The following VSIR variants were observed in gnomAD, a reference collection of about 807,000 sequenced individuals.
VSIR encodes the protein V-set immunoregulatory receptor.
A neutral mutation model predicts 31.0 loss-of-function variants in VSIR; 10 were observed. The observed-to-expected ratio is 0.32, with a 90% CI of 0.20 to 0.55. The LOEUF (loss-of-function observed/expected upper bound fraction) is 0.55. Ranked by LOEUF, VSIR falls within the 20% of genes least tolerant of loss-of-function variation. The probability of loss-of-function intolerance (pLI) is 0.93; values close to 1 mark genes in which losing one functional copy is unlikely to be tolerated. For synonymous variants in VSIR, 179 were observed against 180.1 expected (o/e 0.99, Z 0.05); for missense variants, 356 against 416.2 (o/e 0.86, Z 1.26).
At position 71,760,874 on chromosome 10, in the gene VSIR, T is replaced by C; in HGVS notation, c.562A>G (p.Ser188Gly). 6.2e-7 allele frequency: 1 copy of C among 1,613,468 alleles called. No individual in the cohort carries two copies. Among genetic ancestry groups the C allele is most frequent in the Non-Finnish European group, 8.5e-7 (1 of 1,179,506 alleles). ...CVVYPSSSQD[S>G]ENITAAALAT... ...CAAGAGGTTGGTCCCTTACTTTCAC[T>C]ATCCTGGGAGGAGGATGGGTACACC... is the stretch of plus-strand genomic sequence containing the variant. The change falls in exon 3 of 7, where the codon AGT (serine) becomes GGT (glycine). Residue 188 changes from serine (S) to glycine (G), a missense_variant. Physicochemically the swap from Ser to Gly is moderately conservative, Grantham distance 56. This residue lies in a region of VSIR where 190 missense variants were observed against 185.2 expected (regional missense o/e 1.03). Transcript: ENST00000394957.
At chr10:71,758,478 C>T (rs139059229) in intron 3 of VSIR, among the ~76,000 whole-genome samples, 4 of 152,334 alleles carry the variant, frequency 2.6e-5, no homozygotes, top group East Asian at 3.9e-4. Context: ...AACCTCTCAG[C>T]GCCAGGCACC....
rs1033306282 is a variant in VSIR, at chr10:71,748,935, C to A, written c.*2318G>T. ...AGTAAATTTCGCTGAAAACAGGAAA[C>A]CACGAAGCCCAGATGCGTTCAGTTG... On this transcript the variant is annotated 3_prime_UTR_variant, in exon 7 of 7. Coordinates refer to ENST00000394957, the MANE Select transcript of VSIR (RefSeq NM_022153.2). The A allele has an allele frequency of 6.5e-6, 1 of 152,928 alleles. No homozygotes were observed. The highest frequency in any genetic ancestry group is 2.4e-5 in the African/African-American group (1 of 41,474). The allele number at this position is 152,928 out of a possible 1,614,324, so 9.5% of individuals were successfully genotyped here. A position where few individuals can be genotyped will look rare whatever the true frequency, so the allele number is the denominator to read the frequency against.
At chr10:71,755,105 G>A in intron 4 of VSIR, 1 of 634,472 alleles carries the variant, frequency 1.6e-6, no homozygotes, top group South Asian at 1.5e-5. Context: ...TCATTCAGAA[G>A]ACATGTATTG....
chr10:71,751,690 T>C lies in VSIR; in HGVS notation c.876A>G (p.Gly292=), dbSNP rs773315626. The change falls in exon 6 of 7, where the codon GGA becomes GGG. Residue 292 remains glycine, a synonymous_variant. Coordinates refer to ENST00000394957, the MANE Select transcript of VSIR (RefSeq NM_022153.2). This position sits in a 1 kb window ranked among gnomAD's most constrained non-coding sequence, Gnocchi z 4.9. ...TACCCAGGGATGGGAAGAAGACGTC[T>C]CCGGGGCCTGGAGGAGACAGGGGGG... The part of the protein sequence containing the change: ...PSTPLSPPGP[G]DVFFPSLDPV... 1.3e-6 allele frequency: 2 copies of C among 1,545,532 alleles called. No homozygotes were observed. Among genetic ancestry groups the C allele is most frequent in the Non-Finnish European group, 1.7e-6 (2 of 1,148,940 alleles).
chr10:71,753,216 G>C (rs1289915294), intron 4 of VSIR, among the ~76,000 whole-genome samples: 2 of 152,232 alleles, frequency 1.3e-5, no homozygotes, highest in Non-Finnish European at 1.5e-5. Flanking sequence ...GGCCCATTTT[G>C]ACGACTGATA....
At chr10:71,760,719 G>GCAGAA in intron 3 of VSIR, 149 bp downstream of exon 3, 2 of 723,998 alleles carry the variant, frequency 2.8e-6, no homozygotes, top group Non-Finnish European at 5.0e-6. Context: ...GGAGGAAGCA[G>GCAGAA]AAGGGATGTG....
chr10:71,770,081 T>C (rs1468438336), intron 1 of VSIR, among the ~76,000 whole-genome samples: 1 of 152,188 alleles, frequency 6.6e-6, no homozygotes, highest in African/African-American at 2.4e-5. Context: ...CTTTGGAGAA[T>C]CTAGTCCCAG....
intron 3 of VSIR, 117 bp from the exon 4 acceptor site, chr10:71,755,583 C>G: frequency 1.1e-6 from 1 of 935,656 alleles, no homozygotes; most frequent in Admixed American, 2.4e-5. Context: ...TCCCCAGAGT[C>G]CCACAGCTAG....
At chr10:71,753,075 G>T (rs1840046944) in intron 4 of VSIR, 73 bp from the exon 5 acceptor site, 1 of 1,556,836 alleles carries the variant, frequency 6.4e-7, no homozygotes, top group African/African-American at 1.4e-5. Context: ...GCCCCTGCTG[G>T]CAGATGCCCT....
At chr10:71,771,430 C>A (rs2031152938) in intron 1 of VSIR, among the ~76,000 whole-genome samples, 1 of 152,188 alleles carries the variant, frequency 6.6e-6, no homozygotes, top group African/African-American at 2.4e-5. Context: ...GGCAACATAC[C>A]CAGGGCAACC....
Position 71,751,895 on chromosome 10 carries a change from C to G in VSIR, c.705-34G>C, listed in dbSNP as rs1401974553. The stretch of plus-strand genomic sequence containing the variant: ...GAACCAGAATGGAAGGTCATCTGTG[C>G]TGTCCGGAGCGTGAACTCTGCCCTC... On this transcript the variant is annotated intron_variant, in intron 5 of 6. Transcript: ENST00000394957. This position sits in a 1 kb window ranked among gnomAD's most constrained non-coding sequence, Gnocchi z 4.9. 6.5e-7 allele frequency: 1 copy of G among 1,537,114 alleles called. No homozygotes were observed. Among genetic ancestry groups the G allele is most frequent in the Non-Finnish European group, 8.8e-7 (1 of 1,138,826 alleles).
chr10:71,761,176 G>T (rs1840373835), intron 2 of VSIR, among the ~76,000 whole-genome samples: 2 of 152,076 alleles, frequency 1.3e-5, no homozygotes, highest in South Asian at 4.1e-4. Context: ...CGAACCATGG[G>T]CCCTTGCACT....
chr10:71,756,556 T>C (rs941656364), intron 3 of VSIR, among the ~76,000 whole-genome samples: 1 of 152,224 alleles, frequency 6.6e-6, no homozygotes, highest in African/African-American at 2.4e-5. Context: ...CATTTTCTTT[T>C]AGGCTATTGC....
At chr10:71,759,852 C>CACACACACAT (rs1840261437) in intron 3 of VSIR, among the ~76,000 whole-genome samples, 2 of 76,906 alleles carry the variant, frequency 2.6e-5, no homozygotes, top group Non-Finnish European at 5.2e-5. Flanking sequence ...CACACATATA[C>CACACACACAT]ACACACACAC....
chr10:71,770,964 T>C (rs898852218), intron 1 of VSIR, among the ~76,000 whole-genome samples: 1 of 152,190 alleles, frequency 6.6e-6, no homozygotes, highest in Admixed American at 6.5e-5. Context: ...GGGTTGTGGA[T>C]TTCCTAAGAG....
chr10:71,768,746 C>T (rs1217722927), intron 1 of VSIR, among the ~76,000 whole-genome samples: 1 of 152,204 alleles, frequency 6.6e-6, no homozygotes, highest in Non-Finnish European at 1.5e-5. Flanking sequence ...TCCCAAAGTG[C>T]TGGGATTACA....
chr10:71,761,043 T>C, intron 2 of VSIR, 119 bp from the exon 3 acceptor site: 1 of 1,016,142 alleles, frequency 9.8e-7, no homozygotes, highest in South Asian at 1.3e-5. Context: ...TACTCGGCAG[T>C]GTTGGCCCAG....
At chr10:71,769,572 A>G (rs77919471) in intron 1 of VSIR, among the ~76,000 whole-genome samples, 75,006 of 151,664 alleles carry the variant, frequency 0.49, 19,408 homozygotes, top group South Asian at 0.68. Flanking sequence ...GGGAAACACC[A>G]TCATGGAATT....
At position 71,750,130 on chromosome 10, in the gene VSIR, T is replaced by C. The variant is rs1389216675; in HGVS notation, c.*1123A>G. Reference sequence around the variant, plus strand: ...TTCCACAGAGGACTCACCTTGCCTATGTGTATAAAAACAAAGCCAGGGCAT... The same window carrying C: ...TTCCACAGAGGACTCACCTTGCCTACGTGTATAAAAACAAAGCCAGGGCAT... On this transcript the variant is annotated 3_prime_UTR_variant, in exon 7 of 7. Coordinates refer to ENST00000394957, the MANE Select transcript of VSIR (RefSeq NM_022153.2). 1 of 152,132 alleles carries C rather than the reference T, an allele frequency of 6.6e-6. No individual in the cohort carries two copies. The highest frequency in any genetic ancestry group is 1.9e-4 in the East Asian group (1 of 5,180). 9.4% of individuals were successfully genotyped at this position (152,132 alleles called of 1,614,324 possible). A position where few individuals can be genotyped will look rare whatever the true frequency, so the allele number is the denominator to read the frequency against.
Sources: gnomAD v4.1 joint callset for allele counts (sites outside exome capture counted in the v4.1 genomes callset) on GRCh38, gnomAD v4.1.1 for gene constraint, gnomAD v4.1.1 regional missense constraint, Gnocchi (gnomAD v3.1) non-coding constraint, MANE v1.5 for transcripts, NCBI Gene and HGNC (gene_info 2026-07-23, HGNC 2026-07-21) for gene names.